The following KCNC2 variants were observed in gnomAD, a reference collection of about 807,000 sequenced individuals.
The protein encoded by KCNC2 is voltage-gated potassium channel KCNC2.
A neutral mutation model predicts 44.5 loss-of-function variants in KCNC2; 21 were observed. That is an observed-to-expected ratio of 0.47 (90% CI 0.33 to 0.68). KCNC2 has a LOEUF of 0.68. Ranked by LOEUF, KCNC2 falls within the 30% of genes least tolerant of loss-of-function variation. The probability of loss-of-function intolerance (pLI) is 0.01; values close to 1 mark genes in which losing one functional copy is unlikely to be tolerated. For missense variants in KCNC2, 589 were observed against 826.2 expected (o/e 0.71, Z 3.52); for synonymous variants, 391 against 339.1 (o/e 1.15, Z -1.68).
intron 2 of KCNC2, among the ~76,000 whole-genome samples, chr12:75,108,017 C>T (rs1886928849): frequency 6.6e-6 from 1 of 152,064 alleles, no homozygotes; most frequent in African/African-American, 2.4e-5. Context: ...TCACAAAAAT[C>T]GTCCTTAGGC....
At chr12:75,184,896 A>G (rs1236480112) in intron 2 of KCNC2, among the ~76,000 whole-genome samples, 1 of 152,220 alleles carries the variant, frequency 6.6e-6, no homozygotes, top group Non-Finnish European at 1.5e-5. Context: ...CCTACTCCTC[A>G]CTATTCAGAA....
chr12:75,052,582 G>A (rs906995432), intron 2 of KCNC2, among the ~76,000 whole-genome samples: 10 of 152,022 alleles, frequency 6.6e-5, no homozygotes, highest in African/African-American at 2.4e-4. Flanking sequence ...TTCAGGAGAA[G>A]GAAGTTGTCA....
chr12:75,159,345 T>C (rs1027603512), intron 2 of KCNC2, among the ~76,000 whole-genome samples: 5 of 151,752 alleles, frequency 3.3e-5, no homozygotes, highest in African/African-American at 1.2e-4. Context: ...ACAGTGTGGA[T>C]CTTGTTTCAG....
intron 2 of KCNC2, among the ~76,000 whole-genome samples, chr12:75,062,085 T>TA (rs1414659008): frequency 2.0e-5 from 3 of 152,120 alleles, no homozygotes; most frequent in African/African-American, 7.2e-5. Flanking sequence ...TCATCTGTCC[T>TA]AAAAATTATT....
At chr12:75,098,848 A>C (rs1243395295) in intron 2 of KCNC2, among the ~76,000 whole-genome samples, 1 of 152,094 alleles carries the variant, frequency 6.6e-6, no homozygotes, top group Non-Finnish European at 1.5e-5. Context: ...ATCACAAGTG[A>C]AGTGTTATCT....
intron 2 of KCNC2, among the ~76,000 whole-genome samples, chr12:75,124,368 T>C (rs925143792): frequency 6.6e-6 from 1 of 152,166 alleles, no homozygotes; most frequent in African/African-American, 2.4e-5. Context: ...CCGATTGCAA[T>C]AACAGGGATT....
intron 2 of KCNC2, among the ~76,000 whole-genome samples, chr12:75,197,589 T>A (rs2030884588): frequency 6.6e-6 from 1 of 152,060 alleles, no homozygotes. Context: ...AAGTGCTAAA[T>A]TTTAATCCAT....
At chr12:75,060,915 T>G (rs1221385721) in intron 2 of KCNC2, among the ~76,000 whole-genome samples, 3 of 152,110 alleles carry the variant, frequency 2.0e-5, no homozygotes, top group Non-Finnish European at 2.9e-5. Context: ...AAATTCACCT[T>G]TTTCCTTTGT....
intron 2 of KCNC2, among the ~76,000 whole-genome samples, chr12:75,058,647 T>C (rs1881996356): frequency 6.6e-6 from 1 of 152,078 alleles, no homozygotes; most frequent in African/African-American, 2.4e-5. Context: ...ACATCTTACA[T>C]AGTGCCACCA....
chr12:75,187,646 C>G (rs2137686655), intron 2 of KCNC2, among the ~76,000 whole-genome samples: 1 of 152,252 alleles, frequency 6.6e-6, no homozygotes, highest in East Asian at 1.9e-4. Context: ...CAGAAGCAAC[C>G]TTACTTGGAA....
chr12:75,106,747 G>A (rs1047038403), intron 2 of KCNC2, among the ~76,000 whole-genome samples: 2 of 152,114 alleles, frequency 1.3e-5, no homozygotes, highest in African/African-American at 4.8e-5. Flanking sequence ...GCTATTAATT[G>A]TGTCTTAATA....
chr12:75,184,184 A>C (rs2137664887), intron 2 of KCNC2, among the ~76,000 whole-genome samples: 2 of 152,304 alleles, frequency 1.3e-5, no homozygotes, highest in Non-Finnish European at 2.9e-5. Flanking sequence ...TTCTAGATGC[A>C]AGTTTTATAA....
intron 2 of KCNC2, among the ~76,000 whole-genome samples, chr12:75,193,555 G>C (rs1593070695): frequency 1.3e-5 from 2 of 152,206 alleles, no homozygotes; most frequent in East Asian, 3.9e-4. Context: ...GGAATCAACA[G>C]AAGAGAAGAC....
intron 2 of KCNC2, among the ~76,000 whole-genome samples, chr12:75,125,984 TATA>T (rs531011227): frequency 1.3e-4 from 20 of 152,306 alleles, no homozygotes; most frequent in South Asian, 6.2e-4. Flanking sequence ...TCTCATTTTT[TATA>T]ATAACACCAT....
At chr12:75,178,841 T>G (rs1892367688) in intron 2 of KCNC2, among the ~76,000 whole-genome samples, 1 of 152,078 alleles carries the variant, frequency 6.6e-6, no homozygotes, top group Non-Finnish European at 1.5e-5. Flanking sequence ...TTTGTAATGG[T>G]GCAAGTATTT....
At chr12:75,111,760 T>C (rs1016102419) in intron 2 of KCNC2, among the ~76,000 whole-genome samples, 2 of 152,054 alleles carry the variant, frequency 1.3e-5, no homozygotes, top group Admixed American at 1.3e-4. Flanking sequence ...TAGAAGAGGA[T>C]GAAGGAAGGG....
intron 2 of KCNC2, among the ~76,000 whole-genome samples, chr12:75,061,692 A>T (rs1296973760): frequency 6.6e-6 from 1 of 152,062 alleles, no homozygotes; most frequent in African/African-American, 2.4e-5. Context: ...CATAATTTTT[A>T]TAGGGCTTAA....
chr12:75,059,976 C>A (rs932009406), intron 2 of KCNC2, among the ~76,000 whole-genome samples: 4 of 152,066 alleles, frequency 2.6e-5, no homozygotes, highest in African/African-American at 9.7e-5. Context: ...CCAGCTCTGC[C>A]TTTTCTTGGC....
chr12:75,162,171 T>C (rs572923832), intron 2 of KCNC2, among the ~76,000 whole-genome samples: 3 of 151,926 alleles, frequency 2.0e-5, no homozygotes, highest in South Asian at 2.1e-4. Flanking sequence ...AAGTCTTCCA[T>C]TGAGCCAGGA....
Sources: gnomAD v4.1 joint callset for allele counts (sites outside exome capture counted in the v4.1 genomes callset) on GRCh38, gnomAD v4.1.1 for gene constraint, MANE v1.5 for transcripts, NCBI Gene and HGNC (gene_info 2026-07-23, HGNC 2026-07-21) for gene names.